TUSC3: variants seen among roughly 807,000 people sequenced by gnomAD.
The protein encoded by TUSC3 is dolichyl-diphosphooligosaccharide--protein glycosyltransferase subunit TUSC3.
In TUSC3, 45 loss-of-function variants were observed where a neutral mutation model predicts 44.8. The ratio of observed to expected loss-of-function variants is 1.00; its 90% CI spans 0.79 to 1.29. The LOEUF (loss-of-function observed/expected upper bound fraction) is 1.29. Among genes scored for constraint, TUSC3 ranks in the 50% most tolerant of loss-of-function variants. The pLI is 0.00. For missense variants in TUSC3, 519 were observed against 437.9 expected (o/e 1.19, Z -1.65); for synonymous variants, 212 against 152.9 (o/e 1.39, Z -2.85).
the TUSC3 span, among the ~76,000 whole-genome samples, chr8:15,808,607 A>C: frequency 6.6e-6 from 1 of 152,184 alleles, no homozygotes; most frequent in Non-Finnish European, 1.5e-5. Flanking sequence ...CACGAAGGTA[A>C]GAACATGGAA....
chr8:15,566,983 A>G (rs546173915), intron 1 of TUSC3, among the ~76,000 whole-genome samples: 28 of 152,228 alleles, frequency 1.8e-4, no homozygotes, highest in Middle Eastern at 3.4e-3. Context: ...AGTGATAACC[A>G]CCAGGAGGGG....
chr8:15,779,032 T>C, the TUSC3 span, among the ~76,000 whole-genome samples: 3 of 152,052 alleles, frequency 2.0e-5, no homozygotes, highest in Non-Finnish European at 4.4e-5. Context: ...GTTGGAATAG[T>C]CTATTTCAGT....
chr8:15,671,802 G>T (rs1365962044), intron 5 of TUSC3, among the ~76,000 whole-genome samples: 2 of 151,954 alleles, frequency 1.3e-5, no homozygotes, highest in Non-Finnish European at 2.9e-5. Flanking sequence ...TAAATATATA[G>T]TAAGCTCTTG....
intron 1 of TUSC3, among the ~76,000 whole-genome samples, chr8:15,577,159 G>A (rs1466344205): frequency 3.3e-5 from 5 of 149,740 alleles, no homozygotes; most frequent in Admixed American, 6.7e-5. Context: ...TGATGGGGTT[G>A]TTTGTTTTTT....
At chr8:15,460,885 A>G (rs1024702325) in intron 1 of TUSC3, among the ~76,000 whole-genome samples, 1 of 152,130 alleles carries the variant, frequency 6.6e-6, no homozygotes, top group Non-Finnish European at 1.5e-5. Context: ...CCATTGGTCT[A>G]TGTGCCTGTT....
At chr8:15,469,497 A>G (rs1267763492) in intron 1 of TUSC3, among the ~76,000 whole-genome samples, 1 of 152,168 alleles carries the variant, frequency 6.6e-6, no homozygotes, top group East Asian at 1.9e-4. Flanking sequence ...AATCACTAAC[A>G]CTAAATGCTG....
intron 1 of TUSC3, among the ~76,000 whole-genome samples, chr8:15,421,379 C>A (rs940084727): frequency 5.9e-5 from 9 of 152,000 alleles, no homozygotes; most frequent in African/African-American, 2.2e-4. Context: ...TGAGCCCTTA[C>A]GGTAGTAACT....
At chr8:15,468,367 C>T (rs997575142) in intron 1 of TUSC3, among the ~76,000 whole-genome samples, 2 of 152,118 alleles carry the variant, frequency 1.3e-5, no homozygotes, top group Admixed American at 1.3e-4. Flanking sequence ...TGGACAAGAA[C>T]ACTGAGGCAG....
intron 10 of TUSC3, among the ~76,000 whole-genome samples, chr8:15,763,413 CTTTT>C (rs1229222077): frequency 4.7e-5 from 7 of 150,140 alleles, no homozygotes; most frequent in South Asian, 4.2e-4. Context: ...TTTTTGTTTT[CTTTT>C]TTTAAGTACA....
chr8:15,638,115 T>C (rs1032477472), intron 2 of TUSC3, among the ~76,000 whole-genome samples: 7 of 152,130 alleles, frequency 4.6e-5, no homozygotes, highest in African/African-American at 1.4e-4. Context: ...GTTCTCAGTG[T>C]TTTCAAATTC....
chr8:15,546,098 G>A (rs186963639), intron 1 of TUSC3, among the ~76,000 whole-genome samples: 5 of 151,914 alleles, frequency 3.3e-5, no homozygotes, highest in Admixed American at 6.6e-5. Context: ...ATAACAGTGT[G>A]TGTATGCACA....
chr8:15,610,255 C>T (rs1804703017), intron 1 of TUSC3, among the ~76,000 whole-genome samples: 1 of 151,972 alleles, frequency 6.6e-6, no homozygotes, highest in South Asian at 2.1e-4. Flanking sequence ...TTGTTATTAC[C>T]ACAAGTATCA....
the TUSC3 span, among the ~76,000 whole-genome samples, chr8:15,776,243 A>G: frequency 6.6e-6 from 1 of 152,110 alleles, no homozygotes; most frequent in Non-Finnish European, 1.5e-5. Flanking sequence ...TTTTACCTAT[A>G]AACATGTAAT....
intron 1 of TUSC3, among the ~76,000 whole-genome samples, chr8:15,444,368 T>C (rs1225595411): frequency 6.6e-6 from 1 of 152,052 alleles, no homozygotes; most frequent in Non-Finnish European, 1.5e-5. Context: ...TCAACTTCAA[T>C]ACAAGGAAAA....
chr8:15,782,955 TA>T, the TUSC3 span, among the ~76,000 whole-genome samples: 20 of 151,854 alleles, frequency 1.3e-4, no homozygotes, highest in African/African-American at 3.4e-4. Flanking sequence ...CATGATGTGA[TA>T]AAAAAAATAC....
chr8:15,540,092 G>T (rs554975825), upstream of TUSC3: 3 of 280,920 alleles, frequency 1.1e-5, no homozygotes, highest in East Asian at 1.8e-4. Flanking sequence ...GCCTCAGATT[G>T]AGGTCCCAGG....
chr8:15,728,918 A>G, intron 6 of TUSC3, among the ~76,000 whole-genome samples: 1 of 152,112 alleles, frequency 6.6e-6, no homozygotes, highest in Non-Finnish European at 1.5e-5. Context: ...AATATTAAAG[A>G]GAATGAGTGG....
chr8:15,453,471 A>T (rs1446325299), intron 1 of TUSC3, among the ~76,000 whole-genome samples: 1 of 152,180 alleles, frequency 6.6e-6, no homozygotes, highest in Non-Finnish European at 1.5e-5. Context: ...TTTCTCTATC[A>T]GGCTTTTGAG....
At chr8:15,829,392 T>C in the TUSC3 span, among the ~76,000 whole-genome samples, 1 of 152,090 alleles carries the variant, frequency 6.6e-6, no homozygotes, top group Non-Finnish European at 1.5e-5. Context: ...CAGGGGCCAT[T>C]TTTTTTACCC....
Sources: allele counts gnomAD v4.1 joint callset (sites outside exome capture counted in the v4.1 genomes callset), GRCh38; gene constraint gnomAD v4.1.1; transcripts MANE v1.5; gene names NCBI Gene and HGNC (gene_info 2026-07-23, HGNC 2026-07-21).